Variants in BTNL3 observed in about 807,000 individuals in gnomAD.
The protein encoded by BTNL3 is butyrophilin like 3.
Under a neutral mutation model 40.1 loss-of-function variants are expected in BTNL3, and 20 were observed. The observed-to-expected ratio is 0.50, with a 90% CI of 0.35 to 0.72. The LOEUF is 0.72. BTNL3 is among the 30% of genes least tolerant of loss of function. BTNL3 has a pLI of 0.01. For missense variants in BTNL3, 449 were observed against 582.2 expected (o/e 0.77, Z 2.35); for synonymous variants, 179 against 222.1 (o/e 0.81, Z 1.73).
In BTNL3 at chr5:180,997,256, C is replaced by A. The variant is rs779214012; in HGVS notation, c.441C>A (p.Asp147Glu). Residue 147 changes from aspartate to glutamate, a missense_variant, in exon 3 of 8, where the codon GAC becomes GAA. By Grantham distance (45) the Asp-to-Glu change is conservative (BLOSUM62 2). Around this residue, in one of 2 missense-constraint regions of BTNL3, gnomAD observed 323 missense variants for 464.9 expected, o/e 0.69. Transcript: ENST00000342868. The part of the protein sequence containing the change: ...LPLISIVGYV[D>E]GGIQLLCLSS... ...TCATTTCCATCGTGGGATATGTTGA[C>A]GGAGGTATCCAGTTACTCTGCCTGT... The A allele has an allele frequency of 4.8e-6, 7 of 1,464,570 alleles. No individual in the cohort carries two copies. Among genetic ancestry groups the A allele is most frequent in the Middle Eastern group, 3.5e-4 (2 of 5,688 alleles). The allele number at this position is 1,464,570 out of a possible 1,614,324, so 90.7% of individuals were successfully genotyped here.
At chr5:180,994,195 C>A (rs1162626687) in intron 2 of BTNL3, among the ~76,000 whole-genome samples, 1 of 137,358 alleles carries the variant, frequency 7.3e-6, no homozygotes, top group African/African-American at 2.5e-5. Context: ...TCCTAATATT[C>A]CAAGATTCTT....
At chr5:180,992,711 G>A (rs1561958687) in intron 1 of BTNL3, 102 bp from the exon 2 acceptor site, 1 of 1,310,084 alleles carries the variant, frequency 7.6e-7, no homozygotes, top group East Asian at 2.6e-5. Context: ...AAAGAAGACT[G>A]ATGGATCCCC....
chr5:181,005,206 C>T (rs1582091153), intron 7 of BTNL3, 128 bp from the exon 8 acceptor site: 2 of 1,500,488 alleles, frequency 1.3e-6, no homozygotes, highest in African/African-American at 2.8e-5. Context: ...AGGTACATGG[C>T]TGGTGGGATA....
chr5:180,997,353 A>C lies in BTNL3; in HGVS notation c.538A>C (p.Arg180=). 1 of 1,464,622 alleles carries C rather than the reference A, an allele frequency of 6.8e-7. No homozygotes were observed. Among genetic ancestry groups the C allele is most frequent in the South Asian group, 1.1e-5 (1 of 89,332 alleles). The allele number at this position is 1,464,622 out of a possible 1,614,324, so 90.7% of individuals were successfully genotyped here. The change falls in exon 3 of 8, where the codon AGA becomes CGA. Residue 180 remains arginine (R), a synonymous_variant. Coordinates refer to ENST00000342868, the MANE Select transcript of BTNL3 (RefSeq NM_197975.3). ...PQGQDLSSDS[R]ANADGYSLYD... Reference sequence around the variant, plus strand: ...AGGACAGGATTTGTCTTCAGACTCCAGAGCAAATGCAGATGGGTACAGCCT... The same window carrying C: ...AGGACAGGATTTGTCTTCAGACTCCCGAGCAAATGCAGATGGGTACAGCCT...
rs1475474680 is a variant in BTNL3 at position 181,002,735 on chromosome 5, C to T, written c.737C>T (p.Ala246Val). 4.1e-6 allele frequency: 6 copies of T among 1,456,142 alleles called. 1 individual carries two copies. In the African/African-American group the frequency reaches 5.6e-5, roughly 14 times the overall value. The allele number at this position is 1,456,142 out of a possible 1,614,324, so 90.2% of individuals were successfully genotyped here. A position where few individuals can be genotyped will look rare whatever the true frequency, so the allele number is the denominator to read the frequency against. ...ASILLGLLCG[A>V]LCGVVMGMII... ...ATTTTACTCGGGTTACTCTGTGGTG[C>T]CCTGTGTGGTGTTGTCATGGGGATG... is the stretch of plus-strand genomic sequence containing the variant. Residue 246 changes from alanine (A) to valine (V), a missense_variant, in exon 4 of 8, where the codon GCC (alanine) becomes GTC (valine). Around this residue, in one of 2 missense-constraint regions of BTNL3, gnomAD observed 323 missense variants for 464.9 expected, o/e 0.69. Coordinates refer to ENST00000342868, the MANE Select transcript of BTNL3 (RefSeq NM_197975.3).
chr5:181,004,536 A>G (rs1351725041), intron 6 of BTNL3, 93 bp downstream of exon 6: 1 of 1,046,832 alleles, frequency 9.6e-7, no homozygotes, highest in Non-Finnish European at 1.4e-6. Context: ...GGGTCCCTGC[A>G]GAGCCAAGCT....
chr5:180,998,989 T>C (rs1760071017), intron 3 of BTNL3, among the ~76,000 whole-genome samples: 1 of 135,658 alleles, frequency 7.4e-6, no homozygotes, highest in South Asian at 2.2e-4. Flanking sequence ...TAGCCGGGTG[T>C]GGTGGCGGGT....
At chr5:181,004,629 G>A in intron 6 of BTNL3, 107 bp from the exon 7 acceptor site, 1 of 1,611,414 alleles carries the variant, frequency 6.2e-7, no homozygotes, top group Non-Finnish European at 8.5e-7. Context: ...GATCTCTGGA[G>A]GGTCCACAAC....
chr5:181,005,957 T>G lies in BTNL3; in HGVS notation c.*85T>G. 7.1e-7 allele frequency: 1 copy of G among 1,406,326 alleles called. No homozygotes were observed. Among genetic ancestry groups the G allele is most frequent in the Non-Finnish European group, 9.5e-7 (1 of 1,053,862 alleles). 87.1% of individuals were successfully genotyped at this position (1,406,326 alleles called of 1,614,324 possible). A position where few individuals can be genotyped will look rare whatever the true frequency, so the allele number is the denominator to read the frequency against. ...AGTGCTCCCGACAGGTGGCCCCAGC[T>G]TCCTCTCCGGAGCCTGCGCACAGAG... On this transcript the variant is annotated 3_prime_UTR_variant, in exon 8 of 8. Transcript: ENST00000342868.
Position 181,006,185 on chromosome 5 carries a change from A to G in BTNL3, c.*313A>G. On this transcript the variant is annotated 3_prime_UTR_variant, in exon 8 of 8. Coordinates refer to ENST00000342868, the MANE Select transcript of BTNL3 (RefSeq NM_197975.3). ...TCCATCCAGCTAAGCGATCTTGAACAAGTCACAACCTCCCAGGCTCCTCAT... is the reference window on the plus strand; with the variant it reads ...TCCATCCAGCTAAGCGATCTTGAACGAGTCACAACCTCCCAGGCTCCTCAT... The G allele has an allele frequency of 2.4e-6, 1 of 424,404 alleles. No individual in the cohort carries two copies. Among genetic ancestry groups the G allele is most frequent in the Non-Finnish European group, 4.1e-6 (1 of 242,136 alleles). The allele number at this position is 424,404 out of a possible 1,614,324, so 26.3% of individuals were successfully genotyped here.
intron 3 of BTNL3, among the ~76,000 whole-genome samples, chr5:181,001,970 G>A (rs377332935): frequency 1.5e-5 from 2 of 134,768 alleles, no homozygotes; most frequent in South Asian, 2.2e-4. Flanking sequence ...ATAGGCATGA[G>A]CCACTGCACC....
Position 180,992,067 on chromosome 5 carries a change from C to T in BTNL3, c.50-746C>T, listed in dbSNP as rs375225155. ...TGCTAGACGAAGTACTATTCAAGCA[C>T]GAAATAATAAAGTGGAAAAACATAA... is the stretch of plus-strand genomic sequence containing the variant. On this transcript the variant is annotated intron_variant, in intron 1 of 7. Transcript: ENST00000342868. 7.3e-4 allele frequency among the ~76,000 whole-genome samples: 100 copies of T among 136,626 alleles called. 12 individuals carry two copies. The highest frequency in any genetic ancestry group is 2.2e-3 in the African/African-American group (86 of 39,720). 89.6% of individuals were successfully genotyped at this position (136,626 alleles called of 152,430 possible).
Position 181,001,179 on chromosome 5 carries a change from A to T in BTNL3, c.674-1493A>T, listed in dbSNP as rs1430046350. 1.5e-5 allele frequency among the ~76,000 whole-genome samples: 2 copies of T among 137,468 alleles called. 1 individual carries two copies. The highest frequency in any genetic ancestry group is 5.0e-5 in the African/African-American group (2 of 39,914). The allele number at this position is 137,468 out of a possible 152,430, so 90.2% of individuals were successfully genotyped here. On this transcript the variant is annotated intron_variant, in intron 3 of 7. Coordinates refer to ENST00000342868, the MANE Select transcript of BTNL3 (RefSeq NM_197975.3). ...ACTGTATTAAAAGACACTAATGAAA[A>T]CTAAAATAAGAGAACAAACATAACA...
chr5:180,992,648 A>G (rs1350370154), intron 1 of BTNL3, among the ~76,000 whole-genome samples, 165 bp from the exon 2 acceptor site: 1 of 137,614 alleles, frequency 7.3e-6, no homozygotes, highest in Non-Finnish European at 1.7e-5. Flanking sequence ...AGTAACTGAC[A>G]TGGAAGCATT....
intron 1 of BTNL3, among the ~76,000 whole-genome samples, chr5:180,992,021 G>A (rs1759977093): frequency 7.3e-6 from 1 of 137,824 alleles, no homozygotes; most frequent in African/African-American, 2.5e-5. Context: ...CAGCCCACAG[G>A]CTGTGGCTTG....
chr5:181,001,502 G>GGGGC (rs1554149545), intron 3 of BTNL3, among the ~76,000 whole-genome samples: 3 of 127,852 alleles, frequency 2.3e-5, no homozygotes, highest in African/African-American at 8.1e-5. Context: ...TTTATAGATG[G>GGGGC]GGGGGGGTCT....
rs1760099221 is a variant in BTNL3, at chr5:181,000,833, A to T, written c.674-1839A>T. On this transcript the variant is annotated intron_variant, in intron 3 of 7. Transcript: ENST00000342868. ...GTCTCAAAAAAAAATAAAATAAAAT[A>T]AAAAAATAAAATAAAATAAAATAAA... 1.5e-5 allele frequency among the ~76,000 whole-genome samples: 2 copies of T among 135,834 alleles called. 1 individual carries two copies. The highest frequency in any genetic ancestry group is 5.0e-5 in the African/African-American group (2 of 39,736). The allele number at this position is 135,834 out of a possible 152,430, so 89.1% of individuals were successfully genotyped here.
At chr5:181,004,201 G>C (rs1439261795) in intron 5 of BTNL3, among the ~76,000 whole-genome samples, 2 of 150,992 alleles carry the variant, frequency 1.3e-5, no homozygotes, top group East Asian at 3.9e-4. Context: ...AGAAAAATTT[G>C]TGGGTGATCC....
Position 181,005,324 on chromosome 5 carries a change from C to T in BTNL3, c.863-10C>T, listed in dbSNP as rs774638507. 21 of 1,606,158 alleles carry T rather than the reference C, an allele frequency of 1.3e-5. No homozygotes were observed. Among genetic ancestry groups the T allele is most frequent in the East Asian group, 8.9e-5 (4 of 44,818 alleles). On this transcript the variant is annotated splice_polypyrimidine_tract_variant and intron_variant, in intron 7 of 7. Transcript: ENST00000342868. ...AACTCATGCTTCCTCTCTCCCCCAC[C>T]GCACCCCAGTGGAGGTGACTCTGGA...
Sources: gnomAD v4.1 joint callset for allele counts (sites outside exome capture counted in the v4.1 genomes callset) on GRCh38, gnomAD v4.1.1 for gene constraint, gnomAD v4.1.1 regional missense constraint, MANE v1.5 for transcripts, NCBI Gene and HGNC (gene_info 2026-07-23, HGNC 2026-07-21) for gene names.